Variants in PPM1E observed in about 807,000 individuals in gnomAD.
PPM1E encodes protein phosphatase 1E.
Under a neutral mutation model 65.9 loss-of-function variants are expected in PPM1E, and 20 were observed. The ratio of observed to expected loss-of-function variants is 0.30; its 90% CI spans 0.21 to 0.44. The LOEUF (loss-of-function observed/expected upper bound fraction) is 0.44. Ranked by LOEUF, PPM1E falls within the 20% of genes least tolerant of loss-of-function variation. The pLI, the probability that PPM1E is intolerant of heterozygous loss-of-function variation, is 1.00. For synonymous variants in PPM1E, 352 were observed against 374.9 expected (o/e 0.94, Z 0.70); for missense variants, 713 against 953.1 (o/e 0.75, Z 3.32).
At chr17:58,899,161 T>TA (rs567594658) in intron 1 of PPM1E, among the ~76,000 whole-genome samples, 49 of 149,144 alleles carry the variant, frequency 3.3e-4, no homozygotes, top group Non-Finnish European at 4.6e-4. Flanking sequence ...GTATAATATA[T>TA]AAAAAAAAGA....
At chr17:58,784,732 C>G (rs1360324818) in intron 1 of PPM1E, among the ~76,000 whole-genome samples, 1 of 151,870 alleles carries the variant, frequency 6.6e-6, no homozygotes, top group Admixed American at 6.6e-5. Context: ...CCCATGTTGG[C>G]CAGGATGGTC....
chr17:58,831,885 G>C (rs1266275942), intron 1 of PPM1E, among the ~76,000 whole-genome samples: 2 of 152,156 alleles, frequency 1.3e-5, no homozygotes, highest in Non-Finnish European at 2.9e-5. Context: ...ATAAATACAT[G>C]TGTGCAGTCT....
intron 1 of PPM1E, among the ~76,000 whole-genome samples, chr17:58,775,407 A>G (rs574104059): frequency 1.6e-4 from 24 of 152,076 alleles, no homozygotes; most frequent in Non-Finnish European, 2.1e-4. Context: ...AGCATTCTCA[A>G]CCGCTCTATA....
At chr17:58,836,453 C>T (rs2050657072) in intron 1 of PPM1E, among the ~76,000 whole-genome samples, 1 of 147,726 alleles carries the variant, frequency 6.8e-6, no homozygotes, top group African/African-American at 2.5e-5. Context: ...AAGATCCTGT[C>T]TTTACAAAAA....
chr17:58,816,831 T>C (rs1203229212), intron 1 of PPM1E, among the ~76,000 whole-genome samples: 7 of 137,922 alleles, frequency 5.1e-5, no homozygotes, highest in South Asian at 4.8e-4. Context: ...GGTCTTACTC[T>C]GTCAGCCAGG....
At chr17:58,773,214 A>T (rs929836651) in intron 1 of PPM1E, among the ~76,000 whole-genome samples, 1 of 152,128 alleles carries the variant, frequency 6.6e-6, no homozygotes, top group African/African-American at 2.4e-5. Context: ...TTTCAAGGAC[A>T]TGTCTGGAGA....
At chr17:58,837,267 A>T (rs1250020509) in intron 1 of PPM1E, among the ~76,000 whole-genome samples, 1 of 147,854 alleles carries the variant, frequency 6.8e-6, no homozygotes, top group African/African-American at 2.5e-5. Flanking sequence ...AATTAAAAAA[A>T]AAAAAAAAAA....
chr17:58,832,942 A>T (rs1296129144), intron 1 of PPM1E, among the ~76,000 whole-genome samples: 3 of 152,072 alleles, frequency 2.0e-5, no homozygotes, highest in Non-Finnish European at 4.4e-5. Context: ...CCATCTGAGC[A>T]GCTGGGATCA....
At chr17:58,805,949 TAAA>T (rs1163979989) in intron 1 of PPM1E, among the ~76,000 whole-genome samples, 2 of 21,682 alleles carry the variant, frequency 9.2e-5, no homozygotes, top group African/African-American at 2.1e-4. Flanking sequence ...GCTGTTCTGC[TAAA>T]AAAAAAAACA....
chr17:58,937,176 G>C (rs549216312), intron 1 of PPM1E, among the ~76,000 whole-genome samples: 1 of 151,034 alleles, frequency 6.6e-6, no homozygotes, highest in African/African-American at 2.4e-5. Flanking sequence ...TTTTAAAAGA[G>C]GTAGGAAACA....
At chr17:58,930,857 A>T (rs1202336961) in intron 1 of PPM1E, among the ~76,000 whole-genome samples, 1 of 152,106 alleles carries the variant, frequency 6.6e-6, no homozygotes, top group African/African-American at 2.4e-5. Context: ...ATTGTCTCTG[A>T]AGAATAAAGC....
intron 1 of PPM1E, among the ~76,000 whole-genome samples, chr17:58,930,034 C>T (rs187151967): frequency 1.1e-4 from 16 of 152,122 alleles, no homozygotes; most frequent in Admixed American, 2.0e-4. Flanking sequence ...GTTTTGTTTA[C>T]GGTCATACTA....
chr17:58,759,056 A>G (rs1320216628), intron 1 of PPM1E, among the ~76,000 whole-genome samples: 1 of 152,062 alleles, frequency 6.6e-6, no homozygotes, highest in Non-Finnish European at 1.5e-5. Flanking sequence ...TGGGTGACAG[A>G]ACAAGACCTT....
At chr17:58,955,552 G>T in intron 1 of PPM1E, 97 bp from the exon 2 acceptor site, 3 of 1,380,158 alleles carry the variant, frequency 2.2e-6, no homozygotes, top group Admixed American at 3.6e-5. Context: ...ATTTTGTTTT[G>T]AGACAATGTT....
chr17:58,793,286 C>G (rs1205901183), intron 1 of PPM1E, among the ~76,000 whole-genome samples: 1 of 151,988 alleles, frequency 6.6e-6, no homozygotes, highest in Non-Finnish European at 1.5e-5. Context: ...AAGATATATA[C>G]TACTACATAT....
intron 1 of PPM1E, among the ~76,000 whole-genome samples, chr17:58,895,805 G>A (rs780721433): frequency 5.9e-5 from 9 of 151,644 alleles, no homozygotes; most frequent in Non-Finnish European, 1.3e-4. Context: ...GCGAGACCGT[G>A]TCTCAAAAAA....
At chr17:58,829,946 C>T (rs2050582351) in intron 1 of PPM1E, among the ~76,000 whole-genome samples, 1 of 151,996 alleles carries the variant, frequency 6.6e-6, no homozygotes, top group East Asian at 1.9e-4. Flanking sequence ...CTTGGGAGGC[C>T]AAGGCAGGTG....
At chr17:58,881,490 T>G (rs2051193831) in intron 1 of PPM1E, among the ~76,000 whole-genome samples, 1 of 152,156 alleles carries the variant, frequency 6.6e-6, no homozygotes, top group South Asian at 2.1e-4. Flanking sequence ...GGTGAAACCC[T>G]GTCTCTACTA....
intron 1 of PPM1E, among the ~76,000 whole-genome samples, chr17:58,916,623 C>T (rs1215427048): frequency 6.6e-6 from 1 of 152,024 alleles, no homozygotes; most frequent in East Asian, 1.9e-4. Flanking sequence ...GAGACCCTAT[C>T]TCAAAAAAGA....
Sources: allele counts gnomAD v4.1 joint callset (sites outside exome capture counted in the v4.1 genomes callset), GRCh38; gene constraint gnomAD v4.1.1; transcripts MANE v1.5; gene names NCBI Gene and HGNC (gene_info 2026-07-23, HGNC 2026-07-21).